The following FAF1 variants were observed in gnomAD, a reference collection of about 807,000 sequenced individuals.
FAF1 encodes the protein Fas associated factor 1.
Under a neutral mutation model 92.5 loss-of-function variants are expected in FAF1, and 25 were observed. The ratio of observed to expected loss-of-function variants is 0.27; its 90% CI spans 0.20 to 0.38. The LOEUF (loss-of-function observed/expected upper bound fraction) is 0.38, where lower values mean the gene tolerates loss of function less well. Ranked by LOEUF, FAF1 falls within the 10% of genes least tolerant of loss-of-function variation. The pLI is 1.00. For synonymous variants in FAF1, 234 were observed against 273.2 expected (o/e 0.86, Z 1.42); for missense variants, 636 against 793.3 (o/e 0.80, Z 2.38).
chr1:50,576,600 G>T (rs1444581545), intron 12 of FAF1, among the ~76,000 whole-genome samples: 1 of 150,742 alleles, frequency 6.6e-6, no homozygotes, highest in Non-Finnish European at 1.5e-5. Context: ...AGGTGGGGAG[G>T]CCCCAAGGAA....
At chr1:50,481,071 A>G (rs1646698310) in intron 17 of FAF1, among the ~76,000 whole-genome samples, 1 of 152,220 alleles carries the variant, frequency 6.6e-6, no homozygotes, top group African/African-American at 2.4e-5. Flanking sequence ...ATATAAAGAA[A>G]GAAAAATTTT....
At chr1:50,628,418 G>A (rs374269031) in intron 8 of FAF1, among the ~76,000 whole-genome samples, 7 of 152,236 alleles carry the variant, frequency 4.6e-5, no homozygotes, top group Middle Eastern at 3.4e-3. Flanking sequence ...AGTATAAGGA[G>A]CTCCCAAGTT....
chr1:50,610,265 G>A (rs1652628741), intron 8 of FAF1, among the ~76,000 whole-genome samples: 4 of 152,044 alleles, frequency 2.6e-5, no homozygotes, highest in Non-Finnish European at 5.9e-5. Context: ...ACCTCTCAAA[G>A]AAACTGAAAA....
intron 1 of FAF1, among the ~76,000 whole-genome samples, chr1:50,884,608 C>T (rs1644642814): frequency 6.6e-6 from 1 of 151,948 alleles, no homozygotes; most frequent in African/African-American, 2.4e-5. Flanking sequence ...TCAGACACAT[C>T]CCCCTTGGTC....
At chr1:50,668,916 T>C (rs1452796070) in intron 7 of FAF1, among the ~76,000 whole-genome samples, 5 of 152,128 alleles carry the variant, frequency 3.3e-5, no homozygotes, top group Non-Finnish European at 7.4e-5. Flanking sequence ...TGTTAAAAAA[T>C]TACTCCTATT....
chr1:50,471,406 C>T (rs1192650814), intron 18 of FAF1, among the ~76,000 whole-genome samples: 5 of 152,172 alleles, frequency 3.3e-5, no homozygotes, highest in African/African-American at 1.2e-4. Flanking sequence ...CAAAACTTTA[C>T]TGAAGGTCTA....
At chr1:50,823,031 C>G (rs536448345) in intron 2 of FAF1, among the ~76,000 whole-genome samples, 3 of 152,246 alleles carry the variant, frequency 2.0e-5, no homozygotes, top group Non-Finnish European at 4.4e-5. Context: ...GCCTCGGCCT[C>G]CCAAAGTGTT....
intron 1 of FAF1, among the ~76,000 whole-genome samples, chr1:50,944,831 C>G (rs1237320612): frequency 1.3e-5 from 2 of 152,164 alleles, no homozygotes; most frequent in African/African-American, 4.8e-5. Flanking sequence ...TAAAAAGAAA[C>G]ATCATGCCTA....
chr1:50,851,239 C>T (rs541488647), intron 2 of FAF1, among the ~76,000 whole-genome samples: 3 of 152,174 alleles, frequency 2.0e-5, no homozygotes, highest in East Asian at 1.9e-4. Context: ...CGCCACCAAG[C>T]GGGGCTAATT....
At chr1:50,697,585 T>G (rs761684094) in intron 7 of FAF1, among the ~76,000 whole-genome samples, 2 of 152,172 alleles carry the variant, frequency 1.3e-5, no homozygotes, top group African/African-American at 2.4e-5. Context: ...AATCCAGTGC[T>G]TGGTACAAGA....
intron 7 of FAF1, among the ~76,000 whole-genome samples, chr1:50,679,328 A>AG (rs957063704): frequency 1.3e-5 from 2 of 151,970 alleles, no homozygotes; most frequent in African/African-American, 4.8e-5. Context: ...AAGTACAAAA[A>AG]AAAAGAATAG....
chr1:50,818,452 G>A (rs1195868403), intron 2 of FAF1, among the ~76,000 whole-genome samples: 1 of 152,054 alleles, frequency 6.6e-6, no homozygotes, highest in Non-Finnish European at 1.5e-5. Flanking sequence ...ACAAATATTC[G>A]TACCGGATAC....
chr1:50,928,782 C>CAAAAAAAAAAAAAAAAAA (rs1157426126), intron 1 of FAF1, among the ~76,000 whole-genome samples: 59 of 39,706 alleles, frequency 1.5e-3, no homozygotes, highest in East Asian at 5.1e-3. Flanking sequence ...GACTCCACCT[C>CAAAAAAAAAAAAAAAAAA]AAAAAAAAAA....
chr1:50,567,421 T>A (rs190318036), intron 12 of FAF1, among the ~76,000 whole-genome samples, 190 bp from the exon 13 acceptor site: 112 of 152,188 alleles, frequency 7.4e-4, no homozygotes, highest in African/African-American at 2.6e-3. Context: ...TTCTTACACT[T>A]TAAAAAGGCT....
intron 8 of FAF1, among the ~76,000 whole-genome samples, chr1:50,617,630 A>T (rs1430959249): frequency 6.7e-6 from 1 of 149,910 alleles, no homozygotes; most frequent in Non-Finnish European, 1.5e-5. Context: ...TCTCTGCCAG[A>T]TTATAGTATT....
chr1:50,711,714 C>T (rs1472441383), intron 6 of FAF1, among the ~76,000 whole-genome samples: 4 of 152,176 alleles, frequency 2.6e-5, no homozygotes, highest in Non-Finnish European at 5.9e-5. Flanking sequence ...ATCTGCCCGC[C>T]TCAGCCTCCC....
chr1:50,446,622 T>A (rs888214240), intron 18 of FAF1, among the ~76,000 whole-genome samples: 1 of 152,336 alleles, frequency 6.6e-6, no homozygotes, highest in East Asian at 1.9e-4. Context: ...AATACTTGCA[T>A]AGCCCTTCAT....
chr1:50,686,823 GTTT>G (rs1180168137), intron 7 of FAF1, among the ~76,000 whole-genome samples: 2 of 152,006 alleles, frequency 1.3e-5, no homozygotes, highest in African/African-American at 2.4e-5. Flanking sequence ...ATTGAAACTT[GTTT>G]TTCTTTTTTG....
rs969404262 is a variant in FAF1 at position 50,739,050 on chromosome 1, T to G, written c.460-96A>C. 1.0e-5 allele frequency: 8 copies of G among 787,194 alleles called. No individual in the cohort carries two copies. In the South Asian group the frequency reaches 1.2e-4, roughly 11 times the overall value. 48.8% of individuals were successfully genotyped at this position (787,194 alleles called of 1,614,324 possible). On this transcript the variant is annotated intron_variant, in intron 5 of 18. Coordinates refer to ENST00000396153, the MANE Select transcript of FAF1 (RefSeq NM_007051.3). The stretch of plus-strand genomic sequence containing the variant: ...TCTTGAAAAATTGTTAATTTTGTAG[T>G]TTTTTTTATCTTTTGATAATTTCCT...
Sources: gnomAD v4.1 joint callset for allele counts (sites outside exome capture counted in the v4.1 genomes callset) on GRCh38, gnomAD v4.1.1 for gene constraint, MANE v1.5 for transcripts, NCBI Gene and HGNC (gene_info 2026-07-23, HGNC 2026-07-21) for gene names.